Variants in GRIK3 observed in about 807,000 individuals in gnomAD.
The protein encoded by GRIK3 is glutamate receptor ionotropic, kainate 3.
Under a neutral mutation model 102.5 loss-of-function variants are expected in GRIK3, and 29 were observed. The observed-to-expected ratio is 0.28, with a 90% CI of 0.21 to 0.39. The LOEUF (loss-of-function observed/expected upper bound fraction) is 0.39, where lower values mean the gene tolerates loss of function less well. Among genes scored for constraint, GRIK3 ranks in the 10% least tolerant of loss-of-function variants. The probability of loss-of-function intolerance (pLI) is 1.00; values close to 1 mark genes in which losing one functional copy is unlikely to be tolerated. For synonymous variants in GRIK3, 511 were observed against 504.9 expected, an observed-to-expected ratio of 1.01 and a Z score of -0.16; for missense variants, 908 against 1,252.4, an observed-to-expected ratio of 0.73 and a Z score of 4.15.
At chr1:37,003,949 G>T (rs559578166) in intron 1 of GRIK3, among the ~76,000 whole-genome samples, 4 of 152,244 alleles carry the variant, frequency 2.6e-5, no homozygotes, top group Admixed American at 2.6e-4. Context: ...AGGGGGCTGG[G>T]AATGGTTCCT....
chr1:37,002,465 C>T (rs538937673), intron 1 of GRIK3, among the ~76,000 whole-genome samples: 61 of 152,266 alleles, frequency 4.0e-4, no homozygotes, highest in African/African-American at 1.4e-3. Flanking sequence ...GGCCAGCCAC[C>T]ACTTTCTCTA....
chr1:36,859,165 C>A lies in GRIK3; in HGVS notation c.1047G>T (p.Gln349His). 6.2e-7 allele frequency: 1 copy of A among 1,613,952 alleles called. No individual in the cohort carries two copies. Among genetic ancestry groups the A allele is most frequent in the Non-Finnish European group, 8.5e-7 (1 of 1,179,838 alleles). ...AGCGCCAGGCCTTGTGCCGATGGCA[C>A]TGCAGGGAGTTCACGGTCATCTGTG... is the stretch of plus-strand genomic sequence containing the variant. ...RAPQMTVNSL[Q>H]CHRHKAWRFG... Residue 349 changes from glutamine to histidine, a missense_variant, in exon 7 of 16, where the codon CAG becomes CAT. Gln to His is a conservative substitution (Grantham distance 24). Coordinates refer to ENST00000373091, the MANE Select transcript of GRIK3 (RefSeq NM_000831.4).
rs566684484 is a variant in GRIK3 at position 36,916,162 on chromosome 1, C to A, written c.116-25066G>T. Among the ~76,000 whole-genome samples, 12 of 152,278 alleles carry A rather than the reference C, an allele frequency of 7.9e-5. No homozygotes were observed. In the South Asian group the frequency reaches 2.5e-3, roughly 32 times the overall value. Reference sequence around the variant, plus strand: ...TGCTATGTTTTAGCAAAGAGACTGGCAGCATTTTGCCCCTGCCCTACAGAC... The same window carrying A: ...TGCTATGTTTTAGCAAAGAGACTGGAAGCATTTTGCCCCTGCCCTACAGAC... On this transcript the variant is annotated intron_variant, in intron 1 of 15. Transcript: ENST00000373091.
At chr1:36,803,745 T>C (rs1323456947) in intron 15 of GRIK3, among the ~76,000 whole-genome samples, 4 of 152,206 alleles carry the variant, frequency 2.6e-5, no homozygotes, top group African/African-American at 9.6e-5. Flanking sequence ...TCCTTTTAAC[T>C]GTAATGGGAA....
At chr1:36,898,895 G>T (rs546340009) in intron 1 of GRIK3, among the ~76,000 whole-genome samples, 1 of 152,108 alleles carries the variant, frequency 6.6e-6, no homozygotes, top group South Asian at 2.1e-4. Flanking sequence ...ATGGTTAAAT[G>T]ATTTTTGACA....
chr1:36,989,776 C>G (rs1642345373), intron 1 of GRIK3, among the ~76,000 whole-genome samples: 1 of 152,142 alleles, frequency 6.6e-6, no homozygotes, highest in Admixed American at 6.5e-5. Flanking sequence ...CTTGTCCCAA[C>G]CACAATCTCA....
intron 1 of GRIK3, among the ~76,000 whole-genome samples, chr1:36,955,571 C>A (rs774904804): frequency 6.6e-6 from 1 of 152,174 alleles, no homozygotes; most frequent in African/African-American, 2.4e-5. Flanking sequence ...GGCTGCCCTG[C>A]TCCATACAAA....
At chr1:36,917,498 G>C (rs572818209) in intron 1 of GRIK3, among the ~76,000 whole-genome samples, 1 of 152,204 alleles carries the variant, frequency 6.6e-6, no homozygotes, top group African/African-American at 2.4e-5. Context: ...ATTCCCACGT[G>C]TTGTGGGAGG....
chr1:36,904,446 C>G (rs1641264483), intron 1 of GRIK3, among the ~76,000 whole-genome samples: 1 of 152,106 alleles, frequency 6.6e-6, no homozygotes, highest in Non-Finnish European at 1.5e-5. Flanking sequence ...ATCAGAAAAG[C>G]CATCGTGATT....
At chr1:36,963,154 G>A (rs548936464) in intron 1 of GRIK3, among the ~76,000 whole-genome samples, 3 of 152,218 alleles carry the variant, frequency 2.0e-5, no homozygotes, top group South Asian at 2.1e-4. Flanking sequence ...GCCCAGTGTC[G>A]TCTCCCCATC....
intron 1 of GRIK3, among the ~76,000 whole-genome samples, chr1:36,907,533 A>G (rs1641296992): frequency 6.6e-6 from 1 of 152,162 alleles, no homozygotes; most frequent in African/African-American, 2.4e-5. Flanking sequence ...GCGACAGAAG[A>G]TGGGCATGGT....
At chr1:36,869,995 T>A (rs3738086) in intron 4 of GRIK3, among the ~76,000 whole-genome samples, 194 bp from the exon 5 acceptor site, 1 of 152,188 alleles carries the variant, frequency 6.6e-6, no homozygotes, top group East Asian at 1.9e-4. Context: ...CACACTGGAG[T>A]GTGCTGTAAA....
intron 2 of GRIK3, among the ~76,000 whole-genome samples, chr1:36,885,330 C>G (rs1263283587): frequency 6.6e-6 from 1 of 151,978 alleles, no homozygotes; most frequent in East Asian, 1.9e-4. Flanking sequence ...GATGTTGGTG[C>G]TGATGAGACT....
At chr1:36,933,162 C>G (rs1337041623) in intron 1 of GRIK3, among the ~76,000 whole-genome samples, 1 of 152,194 alleles carries the variant, frequency 6.6e-6, no homozygotes, top group Admixed American at 6.5e-5. Context: ...GCTTTCTAAA[C>G]AGTCTGGCAG....
chr1:36,995,977 T>A (rs763008324), intron 1 of GRIK3, among the ~76,000 whole-genome samples: 2 of 152,038 alleles, frequency 1.3e-5, no homozygotes, highest in Non-Finnish European at 2.9e-5. Flanking sequence ...ATCAGGTGAG[T>A]CAAGAATTGA....
At chr1:37,000,708 A>G (rs1208229265) in intron 1 of GRIK3, among the ~76,000 whole-genome samples, 1 of 152,222 alleles carries the variant, frequency 6.6e-6, no homozygotes, top group African/African-American at 2.4e-5. Flanking sequence ...TGCAGAACCA[A>G]TATTCAACTC....
intron 1 of GRIK3, among the ~76,000 whole-genome samples, chr1:36,939,944 G>T (rs933753388): frequency 4.7e-4 from 72 of 152,256 alleles, no homozygotes; most frequent in Non-Finnish European, 3.1e-4. Flanking sequence ...AGGTCCCTCG[G>T]TGATCCCTCA....
intron 1 of GRIK3, among the ~76,000 whole-genome samples, chr1:36,973,653 T>C (rs141091475): frequency 0.017 from 2,590 of 151,630 alleles, 38 homozygotes; most frequent in Non-Finnish European, 0.025. Context: ...GGTCTTGAAC[T>C]CGTGACCTCA....
chr1:36,864,945 G>A (rs144937295), intron 5 of GRIK3, among the ~76,000 whole-genome samples: 13 of 151,902 alleles, frequency 8.6e-5, no homozygotes, highest in Non-Finnish European at 1.8e-4. Flanking sequence ...TTGTGTTCTC[G>A]ATGCCAAATG....
Sources: allele counts gnomAD v4.1 joint callset (sites outside exome capture counted in the v4.1 genomes callset), GRCh38; gene constraint gnomAD v4.1.1; transcripts MANE v1.5; gene names NCBI Gene and HGNC (gene_info 2026-07-23, HGNC 2026-07-21).